Variants in ANKFN1 observed in about 807,000 individuals in gnomAD.
ANKFN1 encodes the protein ankyrin repeat and fibronectin type III domain containing 1.
Under a neutral mutation model 108.7 loss-of-function variants are expected in ANKFN1, and 74 were observed. That is an observed-to-expected ratio of 0.68 (90% CI 0.56 to 0.83). ANKFN1 has a LOEUF of 0.83. Among genes scored for constraint, ANKFN1 ranks in the 40% least tolerant of loss-of-function variants. ANKFN1 has a pLI of 0.00. For synonymous variants in ANKFN1, 547 were observed against 516.2 expected, an observed-to-expected ratio of 1.06 and a Z score of -0.81; for missense variants, 1,505 against 1,382.3, an observed-to-expected ratio of 1.09 and a Z score of -1.41.
At chr17:56,127,052 G>A (rs1284667506) in intron 4 of ANKFN1, among the ~76,000 whole-genome samples, 3 of 152,166 alleles carry the variant, frequency 2.0e-5, no homozygotes, top group Non-Finnish European at 4.4e-5. Context: ...ACTGAAGCTA[G>A]GTCCAGATTG....
chr17:56,244,772 T>A (rs750448167), intron 3 of ANKFN1, among the ~76,000 whole-genome samples: 1 of 152,094 alleles, frequency 6.6e-6, no homozygotes, highest in Non-Finnish European at 1.5e-5. Context: ...AGAATTCCCA[T>A]TGTGGCTCTC....
At chr17:56,208,802 T>C (rs1914734937) in intron 1 of ANKFN1, among the ~76,000 whole-genome samples, 2 of 152,182 alleles carry the variant, frequency 1.3e-5, no homozygotes, top group Admixed American at 1.3e-4. Flanking sequence ...GGACAATCTT[T>C]CGGGACAGAG....
chr17:56,265,737 C>A (rs1052077538), intron 3 of ANKFN1, among the ~76,000 whole-genome samples: 1 of 152,156 alleles, frequency 6.6e-6, no homozygotes, highest in African/African-American at 2.4e-5. Flanking sequence ...ATATACACAT[C>A]CTCTTATTTA....
intron 8 of ANKFN1, among the ~76,000 whole-genome samples, chr17:56,376,141 C>T (rs112678722): frequency 2.1e-3 from 325 of 152,314 alleles, no homozygotes; most frequent in African/African-American, 7.4e-3. Context: ...TGCCCACAAA[C>T]ATGTTCAAGT....
intron 4 of ANKFN1, among the ~76,000 whole-genome samples, chr17:56,337,603 T>G (rs115550645): frequency 4.2e-5 from 5 of 118,042 alleles, no homozygotes; most frequent in Admixed American, 1.8e-4. Flanking sequence ...CTGAAACAAA[T>G]TTACAAGAAA....
At chr17:56,216,347 C>A (rs8077823) in intron 2 of ANKFN1, among the ~76,000 whole-genome samples, 25 of 152,090 alleles carry the variant, frequency 1.6e-4, no homozygotes, top group Non-Finnish European at 2.9e-5. Flanking sequence ...CAGTAGCCTA[C>A]GAGACATGAA....
At chr17:56,159,228 G>A (rs999222787) in intron 1 of ANKFN1, among the ~76,000 whole-genome samples, 2 of 152,168 alleles carry the variant, frequency 1.3e-5, no homozygotes, top group Non-Finnish European at 2.9e-5. Context: ...GATATTCCAT[G>A]TGAAGTGCGA....
chr17:56,232,318 AAAAC>A (rs1462690077), intron 3 of ANKFN1, among the ~76,000 whole-genome samples: 4 of 152,136 alleles, frequency 2.6e-5, no homozygotes, highest in African/African-American at 9.7e-5. Flanking sequence ...CTTCTAGAAA[AAAAC>A]AAAAACAAAA....
At chr17:56,484,034 C>T (rs181513431) in intron 18 of ANKFN1, among the ~76,000 whole-genome samples, 52 of 152,210 alleles carry the variant, frequency 3.4e-4, no homozygotes, top group African/African-American at 1.2e-3. Flanking sequence ...GGAAGGGTAT[C>T]TGATGTGGGG....
In ANKFN1 at chr17:56,259,909, A is replaced by AACACACACAC. The variant is rs34951336; in HGVS notation, c.53+31981_53+31990dup. On this transcript the variant is annotated intron_variant, in intron 3 of 20. Transcript: ENST00000682825. Reference sequence around the variant, plus strand: ...GTATCACTCCCCCACCCCACCTCCAAACACACACACACACACACACACACA... The same window carrying AACACACACAC: ...GTATCACTCCCCCACCCCACCTCCAAACACACACACACACACACACACACACACACACACA... Among the ~76,000 whole-genome samples the AACACACACAC allele has an allele frequency of 2.6e-3, 357 of 139,150 alleles. 2 individuals are homozygous for AACACACACAC. Among genetic ancestry groups the AACACACACAC allele is most frequent in the African/African-American group, 8.4e-3 (318 of 37,910 alleles). The allele number at this position is 139,150 out of a possible 152,430, so 91.3% of individuals were successfully genotyped here. A position where few individuals can be genotyped will look rare whatever the true frequency, so the allele number is the denominator to read the frequency against.
chr17:56,182,489 G>A (rs1295316597), intron 1 of ANKFN1, among the ~76,000 whole-genome samples: 2 of 152,180 alleles, frequency 1.3e-5, no homozygotes, highest in African/African-American at 4.8e-5. Flanking sequence ...CTAGTCCAGA[G>A]CAAGACCCTA....
At chr17:56,426,020 G>A (rs1327114707) in intron 8 of ANKFN1, among the ~76,000 whole-genome samples, 1 of 152,170 alleles carries the variant, frequency 6.6e-6, no homozygotes, top group South Asian at 2.1e-4. Context: ...TATCCTGAAT[G>A]TACCAGCAAT....
At chr17:56,450,781 G>A (rs1183184046) in intron 11 of ANKFN1, among the ~76,000 whole-genome samples, 1 of 152,196 alleles carries the variant, frequency 6.6e-6, no homozygotes, top group Non-Finnish European at 1.5e-5. Flanking sequence ...ATCAGAGGGG[G>A]AAAAGCTGAA....
At chr17:56,460,178 A>G (rs940270454) in intron 14 of ANKFN1, among the ~76,000 whole-genome samples, 65 of 152,240 alleles carry the variant, frequency 4.3e-4, no homozygotes, top group African/African-American at 1.2e-3. Flanking sequence ...CTCACACTGT[A>G]AAGCAACTAT....
In ANKFN1 at chr17:56,181,300, A is replaced by G. The variant is rs552630729; in HGVS notation, c.-71+27770A>G. Among the ~76,000 whole-genome samples the G allele has an allele frequency of 2.3e-3, 357 of 152,312 alleles. 2 individuals carry two copies. Among genetic ancestry groups the G allele is most frequent in the African/African-American group, 8.2e-3 (339 of 41,584 alleles). On this transcript the variant is annotated intron_variant, in intron 1 of 20. Coordinates refer to ENST00000682825, the MANE Select transcript of ANKFN1 (RefSeq NM_001370326.1). ...TCTCCAGGACTGGAGGATTTCCCCC[A>G]AAGCTTTTTTAAAAAAAGTACACAT...
At chr17:56,230,503 G>A (rs1567852262) in intron 3 of ANKFN1, among the ~76,000 whole-genome samples, 1 of 152,096 alleles carries the variant, frequency 6.6e-6, no homozygotes, top group Non-Finnish European at 1.5e-5. Flanking sequence ...CCCTGTTTTA[G>A]TGGGAGTCCT....
chr17:56,306,134 T>G (rs1220774464), intron 3 of ANKFN1, among the ~76,000 whole-genome samples: 1 of 152,236 alleles, frequency 6.6e-6, no homozygotes, highest in African/African-American at 2.4e-5. Context: ...TTTTAGCTAT[T>G]CTGGTTCGTT....
Position 56,477,673 on chromosome 17 carries a change from A to G in ANKFN1, c.1940+19A>G. 3 of 1,609,608 alleles carry G rather than the reference A, an allele frequency of 1.9e-6. No homozygotes were observed. Among genetic ancestry groups the G allele is most frequent in the South Asian group, 1.1e-5 (1 of 90,272 alleles). ...TTTCTAGGTAAGTGATCAGGAGTTA[A>G]GATTTTCCTTGTGATGAAACAGTGG... On this transcript the variant is annotated intron_variant, in intron 16 of 20. Coordinates refer to ENST00000682825, the MANE Select transcript of ANKFN1 (RefSeq NM_001370326.1).
At chr17:56,299,139 T>C (rs909053853) in intron 3 of ANKFN1, among the ~76,000 whole-genome samples, 1 of 152,248 alleles carries the variant, frequency 6.6e-6, no homozygotes, top group African/African-American at 2.4e-5. Flanking sequence ...TTCTATCTTA[T>C]ACTCATTTTC....
Sources: gnomAD v4.1 joint callset for allele counts (sites outside exome capture counted in the v4.1 genomes callset) on GRCh38, gnomAD v4.1.1 for gene constraint, MANE v1.5 for transcripts, NCBI Gene and HGNC (gene_info 2026-07-23, HGNC 2026-07-21) for gene names.